Variants in CD163L1 observed in about 807,000 individuals in gnomAD.
CD163L1 encodes scavenger receptor cysteine-rich type 1 protein M160.
In CD163L1, 124 loss-of-function variants were observed where a neutral mutation model predicts 165.4. That is an observed-to-expected ratio of 0.75 (90% CI 0.65 to 0.87). The LOEUF is 0.87. Among genes scored for constraint, CD163L1 ranks in the 40% least tolerant of loss-of-function variants. The pLI, the probability that CD163L1 is intolerant of heterozygous loss-of-function variation, is 0.00. For synonymous variants in CD163L1, 585 were observed against 662.2 expected, an observed-to-expected ratio of 0.88 and a Z score of 1.79; for missense variants, 1,525 against 1,799.9, an observed-to-expected ratio of 0.85 and a Z score of 2.76.
At chr12:7,417,174 A>G (rs1591947983) in intron 4 of CD163L1, among the ~76,000 whole-genome samples, 1 of 152,218 alleles carries the variant, frequency 6.6e-6, no homozygotes, top group Non-Finnish European at 1.5e-5. Flanking sequence ...TTCTCTCAGT[A>G]GCAATTGTGA....
At chr12:7,406,448 T>C (rs1377637277) in intron 5 of CD163L1, 84 bp downstream of exon 5, 5 of 1,287,572 alleles carry the variant, frequency 3.9e-6, no homozygotes, top group Middle Eastern at 1.8e-4. Flanking sequence ...CACATCACAA[T>C]TGGTTGTAAC....
At chr12:7,442,101 GATTA>G (rs1393996145) in intron 1 of CD163L1, among the ~76,000 whole-genome samples, 4 of 152,110 alleles carry the variant, frequency 2.6e-5, no homozygotes, top group African/African-American at 7.2e-5. Context: ...CAGATGGGAT[GATTA>G]ATTCATAGGG....
chr12:7,340,351 T>A, the CD163L1 span, among the ~76,000 whole-genome samples: 1 of 152,174 alleles, frequency 6.6e-6, no homozygotes, highest in South Asian at 2.1e-4. Context: ...TTTTGGGTTG[T>A]CGCCTCCCCA....
At chr12:7,321,279 G>C in the CD163L1 span, among the ~76,000 whole-genome samples, 1 of 152,156 alleles carries the variant, frequency 6.6e-6, no homozygotes, top group Non-Finnish European at 1.5e-5. Flanking sequence ...TTGAAGAAAA[G>C]CTAACAAAAT....
intron 8 of CD163L1, 75 bp downstream of exon 8, chr12:7,396,020 T>G: frequency 1.7e-6 from 2 of 1,206,862 alleles, no homozygotes; most frequent in Non-Finnish European, 2.3e-6. Flanking sequence ...ATAAATGTAC[T>G]GACTAAGAAG....
downstream of CD163L1, among the ~76,000 whole-genome samples, chr12:7,353,757 A>G (rs1039271878): frequency 3.3e-5 from 5 of 152,070 alleles, no homozygotes; most frequent in African/African-American, 1.2e-4. Context: ...TGTTCTTTCA[A>G]TATTTTTTAA....
At chr12:7,336,173 AT>A in the CD163L1 span, among the ~76,000 whole-genome samples, 1 of 145,976 alleles carries the variant, frequency 6.9e-6, no homozygotes, top group East Asian at 2.0e-4. Context: ...TACCCAAAGG[AT>A]TATAAATCAT....
At chr12:7,324,280 C>A in the CD163L1 span, 1 of 1,612,248 alleles carries the variant, frequency 6.2e-7, no homozygotes, top group Non-Finnish European at 8.5e-7. Flanking sequence ...CAGGACAATC[C>A]ACAGAAAACT....
At chr12:7,326,013 A>G in the CD163L1 span, among the ~76,000 whole-genome samples, 1 of 152,192 alleles carries the variant, frequency 6.6e-6, no homozygotes. Context: ...AATATAAATG[A>G]TTTCAGCTGA....
intron 4 of CD163L1, among the ~76,000 whole-genome samples, chr12:7,408,200 GA>G (rs1203036330): frequency 6.6e-6 from 1 of 151,938 alleles, no homozygotes; most frequent in Non-Finnish European, 1.5e-5. Flanking sequence ...AAATGAATGA[GA>G]TTTTTTTTAC....
chr12:7,430,591 C>T (rs1340250712), intron 4 of CD163L1, among the ~76,000 whole-genome samples: 1 of 152,090 alleles, frequency 6.6e-6, no homozygotes, highest in African/African-American at 2.4e-5. Context: ...ATTCCCATCC[C>T]TCTGGTATTA....
chr12:7,369,050 G>T lies in CD163L1; in HGVS notation c.4040-85C>A. 7.2e-7 allele frequency: 1 copy of T among 1,395,842 alleles called. No homozygotes were observed. The highest frequency in any genetic ancestry group is 1.0e-6 in the Non-Finnish European group (1 of 999,684). 86.5% of individuals were successfully genotyped at this position (1,395,842 alleles called of 1,614,324 possible). A position where few individuals can be genotyped will look rare whatever the true frequency, so the allele number is the denominator to read the frequency against. On this transcript the variant is annotated intron_variant, in intron 15 of 19. Coordinates refer to ENST00000313599, the MANE Select transcript of CD163L1 (RefSeq NM_174941.6). The surrounding 1 kb of genome is among the most constrained non-coding windows in gnomAD (Gnocchi z 4.9). ...TTTACATCTCCTGCGATTATCGGAT[G>T]TCATTTAAATATCCTTTTAACATCT...
At chr12:7,373,823 TGA>T (rs1383107775) in intron 13 of CD163L1, among the ~76,000 whole-genome samples, 183 bp from the exon 14 acceptor site, 2 of 152,218 alleles carry the variant, frequency 1.3e-5, no homozygotes, top group African/African-American at 4.8e-5. Context: ...GATTTCAGGA[TGA>T]GTGTGGGTTT....
At chr12:7,399,584 C>CTCTT (rs754453315) in intron 6 of CD163L1, among the ~76,000 whole-genome samples, 132 of 61,258 alleles carry the variant, frequency 2.2e-3, no homozygotes, top group Non-Finnish European at 3.9e-3. Context: ...TTCTCTCTCT[C>CTCTT]TCTTTCTTTC....
Position 7,432,695 on chromosome 12 carries a change from A to T in CD163L1, c.487T>A (p.Ser163Thr). ...TTCACCTCCACTCTCCCTGAACAGG[A>T]GTTGTTTCCATCCACTAGCCTCAAA... ...LGLRLVDGNN[S>T]CSGRVEVKFQ... Residue 163 changes from serine to threonine, a missense_variant, in exon 4 of 20, where the codon TCC (serine) becomes ACC (threonine). Physicochemically the swap from Ser to Thr is moderately conservative, Grantham distance 58 (BLOSUM62 1). Transcript: ENST00000313599. This position sits in a 1 kb window ranked among gnomAD's most constrained non-coding sequence, Gnocchi z 4.2. 6.2e-7 allele frequency: 1 copy of T among 1,613,452 alleles called. No individual in the cohort carries two copies. The highest frequency in any genetic ancestry group is 8.5e-7 in the Non-Finnish European group (1 of 1,179,616).
chr12:7,373,900 C>T (rs1290017108), intron 13 of CD163L1, among the ~76,000 whole-genome samples: 1 of 152,188 alleles, frequency 6.6e-6, no homozygotes, highest in Non-Finnish European at 1.5e-5. Flanking sequence ...CTTCTACATT[C>T]TACTCTCGAA....
At chr12:7,386,969 A>C (rs778623602) in intron 8 of CD163L1, among the ~76,000 whole-genome samples, 7 of 152,202 alleles carry the variant, frequency 4.6e-5, no homozygotes, top group Admixed American at 6.5e-5. Context: ...TGGAAGTCCT[A>C]GCCAGAGCAA....
chr12:7,429,404 A>G (rs1438028609), intron 4 of CD163L1, among the ~76,000 whole-genome samples: 1 of 152,158 alleles, frequency 6.6e-6, no homozygotes, highest in East Asian at 1.9e-4. Context: ...CAAAGGCCTC[A>G]AGCACTACTG....
intron 4 of CD163L1, among the ~76,000 whole-genome samples, chr12:7,420,460 C>T (rs117214950): frequency 0.023 from 3,481 of 151,694 alleles, 52 homozygotes; most frequent in Non-Finnish European, 0.031. Context: ...TCTACACATC[C>T]GACAAAAGAC....
Sources: allele counts gnomAD v4.1 joint callset (sites outside exome capture counted in the v4.1 genomes callset), GRCh38; gene constraint gnomAD v4.1.1; non-coding constraint Gnocchi (gnomAD v3.1); transcripts MANE v1.5; gene names NCBI Gene and HGNC (gene_info 2026-07-23, HGNC 2026-07-21).